Variants in KANK1 observed in about 807,000 individuals in gnomAD.
The protein encoded by KANK1 is KN motif and ankyrin repeat domains 1.
A neutral mutation model predicts 106.2 loss-of-function variants in KANK1; 109 were observed. The observed-to-expected ratio is 1.03, with a 90% CI of 0.88 to 1.20. The LOEUF (loss-of-function observed/expected upper bound fraction) is 1.20. KANK1 is among the 50% of genes most tolerant of loss of function. KANK1 has a pLI of 0.00. For synonymous variants in KANK1, 873 were observed against 652.2 expected (o/e 1.34, Z -5.16); for missense variants, 2,399 against 1,710.7 (o/e 1.40, Z -7.10).
intron 1 of KANK1, among the ~76,000 whole-genome samples, chr9:600,910 G>T (rs1827583137): frequency 6.6e-6 from 1 of 151,804 alleles, no homozygotes; most frequent in South Asian, 2.1e-4. Context: ...CCAAAAGGCA[G>T]CCCACCTTCA....
rs10975494 is a variant in KANK1, at chr9:631,222, A to G, written c.-83-45668A>G. Reference sequence around the variant, plus strand: ...GTTGAGTTGAAAATAGATTAAATATATAGTACAGCCTATGCCCAGCAAGCA... The same window carrying G: ...GTTGAGTTGAAAATAGATTAAATATGTAGTACAGCCTATGCCCAGCAAGCA... On this transcript the variant is annotated intron_variant, in intron 1 of 11. Transcript: ENST00000382297. 1.9e-3 allele frequency among the ~76,000 whole-genome samples: 286 copies of G among 152,256 alleles called. 11 individuals carry two copies. In the East Asian group the frequency reaches 0.042, roughly 23 times the overall value.
chr9:478,454 C>A (rs1286848769), intron 3 of KANK1: 1 of 152,306 alleles, frequency 6.6e-6, no homozygotes, highest in East Asian at 1.9e-4. Context: ...CTTTGTGCCT[C>A]CTTGAAAAAG....
At chr9:558,343 A>G (rs2804261) in intron 1 of KANK1, among the ~76,000 whole-genome samples, 86,377 of 152,118 alleles carry the variant, frequency 0.57, 24,913 homozygotes, top group South Asian at 0.62. Context: ...CGCTGTGGAC[A>G]TAATTAGTGA....
chr9:648,673 G>C (rs1563923476), intron 1 of KANK1, among the ~76,000 whole-genome samples: 1 of 152,158 alleles, frequency 6.6e-6, no homozygotes. Context: ...CAGAATCGCA[G>C]GCCAAGGGGA....
chr9:652,215 A>AT (rs978755999), intron 1 of KANK1, among the ~76,000 whole-genome samples: 1 of 152,160 alleles, frequency 6.6e-6, no homozygotes, highest in Admixed American at 6.5e-5. Context: ...GTAGAAGTAC[A>AT]TTCATCAGAG....
chr9:480,561 T>C (rs562281239), intron 3 of KANK1, among the ~76,000 whole-genome samples: 1 of 152,324 alleles, frequency 6.6e-6, no homozygotes, highest in Admixed American at 6.5e-5. Flanking sequence ...CATTTAGCAG[T>C]AAAAAGTAAG....
At chr9:743,683 A>C (rs532295882) in intron 10 of KANK1, among the ~76,000 whole-genome samples, 2 of 152,104 alleles carry the variant, frequency 1.3e-5, no homozygotes, top group East Asian at 3.9e-4. Context: ...TGGGCAACAT[A>C]GTGAGACTCC....
chr9:614,427 A>G (rs754304523), intron 1 of KANK1, among the ~76,000 whole-genome samples: 5 of 152,202 alleles, frequency 3.3e-5, no homozygotes, highest in Non-Finnish European at 7.3e-5. Flanking sequence ...TTTAAATCAT[A>G]CTGGCATAAA....
At chr9:577,839 G>C (rs1035880522) in intron 1 of KANK1, among the ~76,000 whole-genome samples, 1 of 152,116 alleles carries the variant, frequency 6.6e-6, no homozygotes, top group Non-Finnish European at 1.5e-5. Flanking sequence ...TTTTAAAATT[G>C]TACTTTTTAT....
chr9:552,703 C>G (rs1457082490), intron 1 of KANK1, among the ~76,000 whole-genome samples: 3 of 152,116 alleles, frequency 2.0e-5, no homozygotes, highest in Non-Finnish European at 2.9e-5. Flanking sequence ...ATGCCTTGGC[C>G]TTTTTCCCTG....
At chr9:554,942 G>C (rs1454098560) in intron 1 of KANK1, among the ~76,000 whole-genome samples, 1 of 152,174 alleles carries the variant, frequency 6.6e-6, no homozygotes, top group African/African-American at 2.4e-5. Flanking sequence ...CAGGAAGAGA[G>C]TTAGTGAAGT....
In KANK1 at chr9:528,469, C is replaced by CTTT. The variant is rs36072780; in HGVS notation, c.-84+23743_-84+23745dup. 6.8e-4 allele frequency among the ~76,000 whole-genome samples: 58 copies of CTTT among 85,126 alleles called. 3 individuals carry two copies. Among genetic ancestry groups the CTTT allele is most frequent in the African/African-American group, 1.9e-3 (46 of 23,624 alleles). The allele number at this position is 85,126 out of a possible 152,430, so 55.8% of individuals were successfully genotyped here. On this transcript the variant is annotated intron_variant, in intron 1 of 11. Coordinates refer to ENST00000382297, the MANE Select transcript of KANK1 (RefSeq NM_015158.5). ...ACCATTTTACTGAATTAAAAAATAA[C>CTTT]TTTTTTTTTTTTTTTTTTTTTTTTT...
At chr9:620,156 G>T (rs1278755167) in intron 1 of KANK1, among the ~76,000 whole-genome samples, 2 of 151,714 alleles carry the variant, frequency 1.3e-5, no homozygotes, top group African/African-American at 2.4e-5. Flanking sequence ...TTGTTTTGTT[G>T]TATTCTCAGT....
chr9:661,149 A>G (rs1206005443), intron 1 of KANK1, among the ~76,000 whole-genome samples: 2 of 152,026 alleles, frequency 1.3e-5, no homozygotes, highest in African/African-American at 4.8e-5. Flanking sequence ...TTTAAATTTA[A>G]GTTCTAGGGT....
intron 2 of KANK1, among the ~76,000 whole-genome samples, chr9:682,419 T>G (rs1402264224): frequency 6.6e-6 from 1 of 152,226 alleles, no homozygotes; most frequent in African/African-American, 2.4e-5. Context: ...CTAACAAACT[T>G]AAACACAGTT....
chr9:636,826 T>C (rs565586804), intron 1 of KANK1, among the ~76,000 whole-genome samples: 106 of 152,258 alleles, frequency 7.0e-4, no homozygotes, highest in East Asian at 5.2e-3. Context: ...GAGATTGCCA[T>C]TGGACTCCAG....
intron 2 of KANK1, among the ~76,000 whole-genome samples, chr9:691,734 C>T (rs892609099): frequency 1.3e-5 from 2 of 149,836 alleles, no homozygotes; most frequent in African/African-American, 4.9e-5. Context: ...CCAGTCTCAG[C>T]TCCCGAGAAA....
intron 1 of KANK1, among the ~76,000 whole-genome samples, chr9:579,515 GCAA>G (rs1394158568): frequency 6.6e-6 from 1 of 152,148 alleles, no homozygotes; most frequent in East Asian, 1.9e-4. Context: ...TCCACAGCAT[GCAA>G]CACACAGATC....
Position 711,343 on chromosome 9 carries a change from A to G in KANK1, c.577A>G (p.Thr193Ala). 1 of 1,614,164 alleles carries G rather than the reference A, an allele frequency of 6.2e-7. No homozygotes were observed. The highest frequency in any genetic ancestry group is 1.1e-5 in the South Asian group (1 of 91,082). Residue 193 changes from threonine (T) to alanine (A), a missense_variant, in exon 3 of 12, where the codon ACA (threonine) becomes GCA (alanine). Physicochemically the swap from Thr to Ala is moderately conservative, Grantham distance 58 (BLOSUM62 0). Coordinates refer to ENST00000382297, the MANE Select transcript of KANK1 (RefSeq NM_015158.5). ...GGCCAGTTTTGGAGGCATGGGCACC[A>G]CAAGCTCCCTCCCTTCTTTTGTGGG... is the stretch of plus-strand genomic sequence containing the variant. ...RLASFGGMGT[T>A]SSLPSFVGSG...
Sources: allele counts gnomAD v4.1 joint callset (sites outside exome capture counted in the v4.1 genomes callset), GRCh38; gene constraint gnomAD v4.1.1; transcripts MANE v1.5; gene names NCBI Gene and HGNC (gene_info 2026-07-23, HGNC 2026-07-21).